BABAM2: variants seen among roughly 807,000 people sequenced by gnomAD.
The protein encoded by BABAM2 is BRISC and BRCA1 A complex member 2.
A neutral mutation model predicts 54.7 loss-of-function variants in BABAM2; 31 were observed. The observed-to-expected ratio is 0.57, with a 90% confidence interval of 0.43 to 0.77. The LOEUF (loss-of-function observed/expected upper bound fraction) is 0.77. Among genes scored for constraint, BABAM2 ranks in the 30% least tolerant of loss-of-function variants. BABAM2 has a pLI of 0.00. For synonymous variants in BABAM2, 167 were observed against 162.9 expected (o/e 1.03, Z -0.19); for missense variants, 364 against 455.8 (o/e 0.80, Z 1.83).
intron 11 of BABAM2, among the ~76,000 whole-genome samples, chr2:28,319,844 T>G (rs1483009356): frequency 1.3e-5 from 2 of 152,186 alleles, no homozygotes; most frequent in East Asian, 3.9e-4. Context: ...GCAATACACT[T>G]GCAGCACAGA....
At chr2:28,200,043 G>T (rs1408090265) in intron 7 of BABAM2, among the ~76,000 whole-genome samples, 1 of 152,136 alleles carries the variant, frequency 6.6e-6, no homozygotes, top group Admixed American at 6.5e-5. Flanking sequence ...GTGCCTTTTA[G>T]GGAAATATAA....
At chr2:27,993,373 A>G (rs1396186367) in intron 4 of BABAM2, among the ~76,000 whole-genome samples, 1 of 152,186 alleles carries the variant, frequency 6.6e-6, no homozygotes, top group Non-Finnish European at 1.5e-5. Context: ...GGACTAGAAA[A>G]TACACTTTAG....
At chr2:27,927,291 G>A (rs1363264684) in intron 2 of BABAM2, among the ~76,000 whole-genome samples, 2 of 152,150 alleles carry the variant, frequency 1.3e-5, no homozygotes, top group African/African-American at 4.8e-5. Context: ...CAAACAAACT[G>A]GAATCAGGTT....
intron 7 of BABAM2, among the ~76,000 whole-genome samples, chr2:28,225,276 G>A (rs537027619): frequency 6.6e-6 from 1 of 152,148 alleles, no homozygotes; most frequent in Non-Finnish European, 1.5e-5. Context: ...AAAGACAGTC[G>A]GGCTAACAAG....
chr2:28,076,688 A>C (rs1416153272), intron 6 of BABAM2, among the ~76,000 whole-genome samples: 2 of 151,806 alleles, frequency 1.3e-5, no homozygotes, highest in Non-Finnish European at 2.9e-5. Context: ...TTGTATTTTT[A>C]GTAGAGGCAG....
chr2:27,930,999 T>G (rs1361297268), intron 3 of BABAM2, among the ~76,000 whole-genome samples: 1 of 152,252 alleles, frequency 6.6e-6, no homozygotes, highest in Admixed American at 6.5e-5. Flanking sequence ...TGTTTTACCA[T>G]TACATGCCAG....
intron 7 of BABAM2, among the ~76,000 whole-genome samples, chr2:28,152,614 A>G (rs535194022): frequency 6.6e-6 from 1 of 152,308 alleles, no homozygotes; most frequent in Admixed American, 6.5e-5. Flanking sequence ...CTCAGGATGA[A>G]TGACACTGCT....
At chr2:28,138,774 C>T (rs1324772525) in intron 7 of BABAM2, among the ~76,000 whole-genome samples, 4 of 152,102 alleles carry the variant, frequency 2.6e-5, no homozygotes, top group Admixed American at 6.5e-5. Flanking sequence ...TATTGCTTCC[C>T]ATATCTAATC....
At chr2:28,157,649 C>T (rs1393580656) in intron 7 of BABAM2, among the ~76,000 whole-genome samples, 1 of 152,176 alleles carries the variant, frequency 6.6e-6, no homozygotes, top group Admixed American at 6.5e-5. Context: ...TCTCTGTCAC[C>T]AGGCTGGAGT....
chr2:28,281,800 G>C lies in BABAM2; in HGVS notation c.935-16538G>C, dbSNP rs149665628. ...CCTGAGTTTCAGCGTTCTTGTCTGT[G>C]AATGGGATGGTATGCCCATCTTGAA... On this transcript the variant is annotated intron_variant, in intron 10 of 11. Transcript: ENST00000379624. Among the ~76,000 whole-genome samples, 152 of 152,326 alleles carry C rather than the reference G, an allele frequency of 1.0e-3. 1 individual carries two copies. The highest frequency in any genetic ancestry group is 3.5e-3 in the African/African-American group (145 of 41,570).
intron 10 of BABAM2, among the ~76,000 whole-genome samples, chr2:28,278,827 G>A (rs747740344): frequency 1.3e-5 from 2 of 152,182 alleles, no homozygotes; most frequent in South Asian, 2.1e-4. Context: ...GCAGAGGACC[G>A]GATCTGGGGA....
At chr2:28,220,972 T>C (rs1680350866) in intron 7 of BABAM2, among the ~76,000 whole-genome samples, 1 of 152,150 alleles carries the variant, frequency 6.6e-6, no homozygotes, top group African/African-American at 2.4e-5. Context: ...CTTACTGTAA[T>C]ACTCCCTTCC....
chr2:28,143,268 C>T (rs945204572), intron 7 of BABAM2, among the ~76,000 whole-genome samples: 1 of 152,024 alleles, frequency 6.6e-6, no homozygotes, highest in Non-Finnish European at 1.5e-5. Context: ...ACTGCCTGAT[C>T]TCACTTATAT....
chr2:28,298,546 C>G, intron 11 of BABAM2, 55 bp downstream of exon 11: 1 of 1,602,030 alleles, frequency 6.2e-7, no homozygotes. Flanking sequence ...TTATCTAGTC[C>G]AGGGGTTGGC....
chr2:28,212,414 T>G (rs902910581), intron 7 of BABAM2, among the ~76,000 whole-genome samples: 6 of 152,186 alleles, frequency 3.9e-5, no homozygotes, highest in African/African-American at 1.4e-4. Context: ...GGTTCAAACC[T>G]TAGTAATTAT....
At chr2:28,196,258 C>T (rs1005503746) in intron 7 of BABAM2, among the ~76,000 whole-genome samples, 7 of 149,720 alleles carry the variant, frequency 4.7e-5, no homozygotes, top group Admixed American at 2.0e-4. Flanking sequence ...ACCCGGGAGG[C>T]GGAGCTTGCA....
At chr2:27,955,006 C>T (rs538233519) in intron 3 of BABAM2, among the ~76,000 whole-genome samples, 18 of 152,188 alleles carry the variant, frequency 1.2e-4, no homozygotes, top group African/African-American at 4.3e-4. Context: ...GTGAGGAAAC[C>T]AGTGGTTCAG....
At chr2:28,252,533 C>T (rs1683599357) in intron 10 of BABAM2, among the ~76,000 whole-genome samples, 1 of 152,208 alleles carries the variant, frequency 6.6e-6, no homozygotes, top group Non-Finnish European at 1.5e-5. Flanking sequence ...ACTATTTTGA[C>T]TCAAATTGAA....
intron 6 of BABAM2, among the ~76,000 whole-genome samples, chr2:28,062,138 A>G (rs1678924758): frequency 6.6e-6 from 1 of 151,802 alleles, no homozygotes; most frequent in Admixed American, 6.6e-5. Context: ...GGTGCCTGTA[A>G]TCCCAGCTAC....
Sources: gnomAD v4.1 joint callset for allele counts (sites outside exome capture counted in the v4.1 genomes callset) on GRCh38, gnomAD v4.1.1 for gene constraint, MANE v1.5 for transcripts, NCBI Gene and HGNC (gene_info 2026-07-23, HGNC 2026-07-21) for gene names.